TMEM181: variants seen among roughly 807,000 people sequenced by gnomAD.
TMEM181 encodes transmembrane protein 181.
In TMEM181, 39 loss-of-function variants were observed where a neutral mutation model predicts 71.9. That is an observed-to-expected ratio of 0.54 (90% confidence interval 0.42 to 0.71). TMEM181 has a LOEUF of 0.71. TMEM181 is among the 30% of genes least tolerant of loss of function. The pLI, the probability that TMEM181 is intolerant of heterozygous loss-of-function variation, is 0.00. For missense variants in TMEM181, 595 were observed against 583.0 expected (o/e 1.02, Z -0.21); for synonymous variants, 245 against 228.8 (o/e 1.07, Z -0.64).
chr6:158,557,594 T>C (rs981544182), upstream of TMEM181, among the ~76,000 whole-genome samples: 2 of 152,132 alleles, frequency 1.3e-5, no homozygotes, highest in Admixed American at 6.5e-5. Flanking sequence ...CTTGGCTCAC[T>C]GCAAGCTCCA....
At chr6:158,581,523 G>T (rs968095082) in intron 3 of TMEM181, among the ~76,000 whole-genome samples, 1 of 152,122 alleles carries the variant, frequency 6.6e-6, no homozygotes, top group Admixed American at 6.6e-5. Context: ...GGAAGCTGAG[G>T]TGAGCTGATC....
At chr6:158,596,309 G>A (rs1441384491) in intron 6 of TMEM181, among the ~76,000 whole-genome samples, 2 of 152,186 alleles carry the variant, frequency 1.3e-5, no homozygotes, top group African/African-American at 4.8e-5. Flanking sequence ...CCGCCTGTAC[G>A]GCCGCACGTT....
chr6:158,555,202 C>A (rs1032562703), upstream of TMEM181, among the ~76,000 whole-genome samples: 4 of 152,138 alleles, frequency 2.6e-5, no homozygotes, highest in African/African-American at 9.7e-5. Context: ...TCTTTTTGGC[C>A]CCTGTGTGGC....
In TMEM181 at chr6:158,538,850, G is replaced by C. The variant is rs1582906601; in HGVS notation, c.131+1985G>C. On this transcript the variant is annotated intron_variant, in intron 1 of 16. Coordinates refer to the TMEM181 transcript ENST00000367090. Reference sequence around the variant, plus strand: ...GGAGGCAGGGAGGAAACTCCCAGAAGAGGAAGGAGTATTGCAAAGTCCCTG... The same window carrying C: ...GGAGGCAGGGAGGAAACTCCCAGAACAGGAAGGAGTATTGCAAAGTCCCTG... 2.0e-5 allele frequency among the ~76,000 whole-genome samples: 3 copies of C among 152,314 alleles called. No homozygotes were observed. In the South Asian group the frequency reaches 6.2e-4, roughly 32 times the overall value.
chr6:158,572,594 C>G (rs562343620), intron 1 of TMEM181: 1 of 394,396 alleles, frequency 2.5e-6, no homozygotes, highest in Non-Finnish European at 5.1e-6. Context: ...CTGTGCCTTG[C>G]GACAGAGACC....
In TMEM181 at chr6:158,625,092, G is replaced by A. The variant is rs990975537; in HGVS notation, c.955-12G>A. The A allele has an allele frequency of 2.5e-6, 4 of 1,609,616 alleles. No individual in the cohort carries two copies. Among genetic ancestry groups the A allele is most frequent in the Non-Finnish European group, 2.6e-6 (3 of 1,175,904 alleles). On this transcript the variant is annotated splice_polypyrimidine_tract_variant and intron_variant, in intron 11 of 16. Transcript: ENST00000684151. ...CCTGTTCCGACTCAAGTGCTGCCTTGTGTCCTCCTAGGGAATGAAGGTCTT... is the reference window on the plus strand; with the variant it reads ...CCTGTTCCGACTCAAGTGCTGCCTTATGTCCTCCTAGGGAATGAAGGTCTT...
chr6:158,632,062 C>T lies in TMEM181; in HGVS notation c.*174C>T. 2 of 636,644 alleles carry T rather than the reference C, an allele frequency of 3.1e-6. No homozygotes were observed. Among genetic ancestry groups the T allele is most frequent in the Non-Finnish European group, 5.4e-6 (2 of 372,472 alleles). 39.4% of individuals were successfully genotyped at this position (636,644 alleles called of 1,614,324 possible). A position where few individuals can be genotyped will look rare whatever the true frequency, so the allele number is the denominator to read the frequency against. On this transcript the variant is annotated 3_prime_UTR_variant, in exon 17 of 17. Coordinates refer to ENST00000684151, the MANE Select transcript of TMEM181 (RefSeq NM_001376852.1). ...CTGAGGGTAAATTTAAATGTTTAGC[C>T]AAATTTATTGTCATGGTGGCTACGA...
upstream of TMEM181, among the ~76,000 whole-genome samples, chr6:158,559,764 T>G (rs961037895): frequency 1.3e-5 from 2 of 152,222 alleles, no homozygotes; most frequent in African/African-American, 4.8e-5. Flanking sequence ...CCCATAGTGT[T>G]TTCCAGACAA....
intron 10 of TMEM181, among the ~76,000 whole-genome samples, chr6:158,613,926 C>T (rs547442125): frequency 2.6e-5 from 4 of 152,102 alleles, no homozygotes; most frequent in East Asian, 1.9e-4. Context: ...GTGTCCTGTT[C>T]GGATACAATC....
intron 10 of TMEM181, chr6:158,611,347 G>A (rs186376989): frequency 1.9e-6 from 1 of 523,964 alleles, no homozygotes; most frequent in Non-Finnish European, 3.9e-6. Flanking sequence ...ACTAGTGACA[G>A]CCTCTCCCTT....
intron 6 of TMEM181, among the ~76,000 whole-genome samples, chr6:158,596,746 G>A (rs1021868749): frequency 3.9e-5 from 6 of 152,162 alleles, no homozygotes; most frequent in African/African-American, 1.2e-4. Context: ...GAGGCGAAAG[G>A]CTCTTCTTAC....
chr6:158,597,106 C>G (rs927253715), intron 6 of TMEM181, among the ~76,000 whole-genome samples: 7 of 152,190 alleles, frequency 4.6e-5, no homozygotes, highest in African/African-American at 1.4e-4. Context: ...CTGAGCCTGT[C>G]ATGTGGGCTG....
At chr6:158,539,589 C>T (rs1781262817) in intron 1 of TMEM181, among the ~76,000 whole-genome samples, 1 of 152,252 alleles carries the variant, frequency 6.6e-6, no homozygotes, top group Admixed American at 6.5e-5. Flanking sequence ...GCAAAGAACA[C>T]AGCTGCTAAA....
chr6:158,587,281 G>T (rs532363851), intron 5 of TMEM181, among the ~76,000 whole-genome samples: 2 of 152,188 alleles, frequency 1.3e-5, no homozygotes, highest in African/African-American at 4.8e-5. Flanking sequence ...TGTGCCCGCC[G>T]TGCTGTGCAT....
intron 1 of TMEM181, chr6:158,572,506 C>T (rs964607421): frequency 8.8e-6 from 4 of 456,380 alleles, no homozygotes; most frequent in East Asian, 6.9e-5. Flanking sequence ...GGGCGGGGGC[C>T]GGCCACACCC....
chr6:158,631,263 T>A, intron 15 of TMEM181, 60 bp from the exon 16 acceptor site: 1 of 1,556,840 alleles, frequency 6.4e-7, no homozygotes. Flanking sequence ...GACAGCATCC[T>A]GCCTGTCCAG....
intron 10 of TMEM181, among the ~76,000 whole-genome samples, chr6:158,614,646 C>T (rs185730070): frequency 2.6e-3 from 390 of 152,270 alleles, no homozygotes; most frequent in Non-Finnish European, 4.3e-3. Context: ...CTCCCCCCAC[C>T]CTACGACAGG....
chr6:158,627,097 G>A (rs893156088), intron 13 of TMEM181, among the ~76,000 whole-genome samples: 24 of 79,668 alleles, frequency 3.0e-4, no homozygotes, highest in African/African-American at 6.6e-4. Context: ...CCTCACCCTC[G>A]TTTTCACCCT....
intron 10 of TMEM181, among the ~76,000 whole-genome samples, chr6:158,621,802 G>A (rs1785976849): frequency 6.6e-6 from 1 of 152,186 alleles, no homozygotes; most frequent in Non-Finnish European, 1.5e-5. Flanking sequence ...GTCTGCGCAG[G>A]CCACTTCACA....
Sources: allele counts gnomAD v4.1 joint callset (sites outside exome capture counted in the v4.1 genomes callset), GRCh38; gene constraint gnomAD v4.1.1; transcripts MANE v1.5; gene names NCBI Gene and HGNC (gene_info 2026-07-23, HGNC 2026-07-21).